DIAPH1: variants seen among roughly 807,000 people sequenced by gnomAD.
The protein encoded by DIAPH1 is diaphanous related formin 1.
Under a neutral mutation model 140.7 loss-of-function variants are expected in DIAPH1, and 46 were observed. That is an observed-to-expected ratio of 0.33 (90% CI 0.26 to 0.42). The LOEUF (loss-of-function observed/expected upper bound fraction) is 0.42, where lower values mean the gene tolerates loss of function less well. DIAPH1 is among the 10% of genes least tolerant of loss of function. The probability of loss-of-function intolerance (pLI) is 1.00; values close to 1 mark genes in which losing one functional copy is unlikely to be tolerated. For missense variants in DIAPH1, 1,310 were observed against 1,558.7 expected (o/e 0.84, Z 2.69); for synonymous variants, 565 against 551.6 (o/e 1.02, Z -0.34).
rs1214505559 is a variant in DIAPH1 at position 141,583,624 on chromosome 5, A to G, written c.403-9T>C. 6.2e-7 allele frequency: 1 copy of G among 1,614,250 alleles called. No individual in the cohort carries two copies. The highest frequency in any genetic ancestry group is 1.1e-5 in the South Asian group (1 of 91,090). The stretch of plus-strand genomic sequence containing the variant: ...TCCTTCTGGCTCATGCCCTAGACAG[A>G]AGGCATAGACAGAGATTAGTAATGG... On this transcript the variant is annotated splice_polypyrimidine_tract_variant and intron_variant, in intron 4 of 27. Coordinates refer to ENST00000389054, the MANE Select transcript of DIAPH1 (RefSeq NM_005219.5).
At chr5:141,601,609 C>G (rs1260863015) in intron 1 of DIAPH1, among the ~76,000 whole-genome samples, 1 of 152,172 alleles carries the variant, frequency 6.6e-6, no homozygotes, top group Admixed American at 6.5e-5. Flanking sequence ...ACCTTCTTAA[C>G]AGATCATTTG....
intron 18 of DIAPH1, among the ~76,000 whole-genome samples, chr5:141,535,578 T>C (rs1173799601): frequency 6.6e-6 from 1 of 152,194 alleles, no homozygotes; most frequent in African/African-American, 2.4e-5. Context: ...GATTTTGAAC[T>C]TCAAGGGCAT....
chr5:141,582,059 CAAAAA>C (rs70991705), intron 7 of DIAPH1: 749 of 79,378 alleles, frequency 9.4e-3, no homozygotes, highest in African/African-American at 0.016. Flanking sequence ...GACTCCATCT[CAAAAA>C]AAAAAAAAAA....
intron 1 of DIAPH1, among the ~76,000 whole-genome samples, chr5:141,605,735 T>C (rs1414011033): frequency 6.6e-6 from 1 of 152,248 alleles, no homozygotes; most frequent in Non-Finnish European, 1.5e-5. Flanking sequence ...CTAGGGTCTC[T>C]TCCGACTCCT....
At chr5:141,547,637 GTAAGAATGA>G (rs1468510035) in intron 18 of DIAPH1, among the ~76,000 whole-genome samples, 1 of 152,022 alleles carries the variant, frequency 6.6e-6, no homozygotes, top group African/African-American at 2.4e-5. Context: ...GTTAAAAATG[GTAAGAATGA>G]AAAAGAATGT....
chr5:141,610,919 A>G (rs1447784694), intron 1 of DIAPH1, among the ~76,000 whole-genome samples: 1 of 151,716 alleles, frequency 6.6e-6, no homozygotes, highest in Non-Finnish European at 1.5e-5. Context: ...TATAAAAAAA[A>G]AAAAAAGAAA....
intron 18 of DIAPH1, among the ~76,000 whole-genome samples, chr5:141,537,549 A>C (rs2099889241): frequency 6.6e-6 from 1 of 151,580 alleles, no homozygotes; most frequent in Non-Finnish European, 1.5e-5. Context: ...ATGACTATAT[A>C]TAGCAATTCA....
chr5:141,533,809 T>C (rs2099888599), intron 19 of DIAPH1, among the ~76,000 whole-genome samples: 3 of 152,102 alleles, frequency 2.0e-5, no homozygotes, highest in Admixed American at 2.0e-4. Flanking sequence ...GAGACACAGC[T>C]GGGCAGATCA....
intron 18 of DIAPH1, among the ~76,000 whole-genome samples, chr5:141,567,468 A>C (rs778980803): frequency 2.0e-5 from 3 of 152,132 alleles, no homozygotes; most frequent in Non-Finnish European, 4.4e-5. Flanking sequence ...AACCCAAGAG[A>C]AGCTAAGTAA....
Position 141,575,050 on chromosome 5 carries a change from T to C in DIAPH1, c.1558A>G (p.Lys520Glu), listed in dbSNP as rs1311312237. 5 of 1,614,198 alleles carry C rather than the reference T, an allele frequency of 3.1e-6. No individual in the cohort carries two copies. Among genetic ancestry groups the C allele is most frequent in the Non-Finnish European group, 4.2e-6 (5 of 1,180,026 alleles). ...TGCTTTTCAGAATGCAGTGCATCTTTTTCTCCCTGAAGATCTTGAAGCTTC... is the reference window on the plus strand; with the variant it reads ...TGCTTTTCAGAATGCAGTGCATCTTCTTCTCCCTGAAGATCTTGAAGCTTC... ...EQKLQDLQGE[K>E]DALHSEKQQI... Residue 520 changes from lysine (K) to glutamate (E), a missense_variant, in exon 15 of 28, where the codon AAA becomes GAA. Around this residue, in one of 3 missense-constraint regions of DIAPH1, gnomAD observed 589 missense variants for 549.3 expected, o/e 1.07. Transcript: ENST00000389054.
chr5:141,607,427 T>A (rs1425185630), intron 1 of DIAPH1, among the ~76,000 whole-genome samples: 1 of 152,232 alleles, frequency 6.6e-6, no homozygotes, highest in East Asian at 1.9e-4. Flanking sequence ...CTTAACTTTT[T>A]AAACTCCATC....
chr5:141,522,601 A>G (rs1596334508), intron 27 of DIAPH1, among the ~76,000 whole-genome samples: 1 of 151,278 alleles, frequency 6.6e-6, no homozygotes, highest in Non-Finnish European at 1.5e-5. Context: ...AAAAAAAACA[A>G]TAAGATGCAA....
chr5:141,614,986 G>GC (rs1211555323), intron 1 of DIAPH1, among the ~76,000 whole-genome samples: 3 of 152,046 alleles, frequency 2.0e-5, no homozygotes, highest in Non-Finnish European at 4.4e-5. Flanking sequence ...TTTCTGCCTG[G>GC]CATCCTTTAA....
intron 18 of DIAPH1, among the ~76,000 whole-genome samples, chr5:141,557,040 A>G (rs553542755): frequency 6.6e-6 from 1 of 152,216 alleles, no homozygotes; most frequent in African/African-American, 2.4e-5. Context: ...ATTGCAAAAT[A>G]AAAAATAAAA....
chr5:141,525,956 T>A (rs1413916179), intron 26 of DIAPH1, 82 bp downstream of exon 26: 2 of 1,602,088 alleles, frequency 1.2e-6, no homozygotes, highest in African/African-American at 2.7e-5. Context: ...AGCTCAGACA[T>A]GAGACTCTGC....
rs894672327 is a variant in DIAPH1, at chr5:141,565,202, A to G, written c.2482+6226T>C. The G allele has an allele frequency of 6.6e-6, 1 of 152,230 alleles. No individual in the cohort carries two copies. Among genetic ancestry groups the G allele is most frequent in the Non-Finnish European group, 1.5e-5 (1 of 68,036 alleles). 9.4% of individuals were successfully genotyped at this position (152,230 alleles called of 1,614,324 possible). A position where few individuals can be genotyped will look rare whatever the true frequency, so the allele number is the denominator to read the frequency against. ...GCTAAAACACGTTAAGCAAAATACA[A>G]AACAGTATATACTGTATAAGATCAC... On this transcript the variant is annotated intron_variant, in intron 18 of 27. Coordinates refer to ENST00000389054, the MANE Select transcript of DIAPH1 (RefSeq NM_005219.5). The surrounding 1 kb of genome is among the most constrained non-coding windows in gnomAD (Gnocchi z 4.3).
At chr5:141,532,028 G>C (rs909573056) in intron 19 of DIAPH1, among the ~76,000 whole-genome samples, 4 of 152,046 alleles carry the variant, frequency 2.6e-5, no homozygotes, top group Non-Finnish European at 5.9e-5. Flanking sequence ...AATTACACAG[G>C]ATAATCTCAC....
intron 18 of DIAPH1, among the ~76,000 whole-genome samples, chr5:141,569,972 C>T (rs1387406881): frequency 6.6e-6 from 1 of 152,036 alleles, no homozygotes; most frequent in Non-Finnish European, 1.5e-5. Context: ...GCACAAAGAT[C>T]TTTTACTAAA....
At position 141,578,569 on chromosome 5, in the gene DIAPH1, G is replaced by A. The variant is rs1303310814; in HGVS notation, c.990C>T (p.Phe330=). The change falls in exon 10 of 28, where the codon TTC becomes TTT. Residue 330 remains phenylalanine, a synonymous_variant. Transcript: ENST00000389054. The part of the protein sequence containing the change: ...ALITPAEELD[F]RVHIRSELMR... ...TCAGTTCACTTCTGATGTGAACTCG[G>A]AAGTCAAGTTCCTCCGCTGGTGTGA... 7 of 1,613,920 alleles carry A rather than the reference G, an allele frequency of 4.3e-6. No individual in the cohort carries two copies. The highest frequency in any genetic ancestry group is 1.7e-6 in the Non-Finnish European group (2 of 1,180,022).
Sources: gnomAD v4.1 joint callset for allele counts (sites outside exome capture counted in the v4.1 genomes callset) on GRCh38, gnomAD v4.1.1 for gene constraint, gnomAD v4.1.1 regional missense constraint, Gnocchi (gnomAD v3.1) non-coding constraint, MANE v1.5 for transcripts, NCBI Gene and HGNC (gene_info 2026-07-23, HGNC 2026-07-21) for gene names.